Variants in AFF4 observed in about 807,000 individuals in gnomAD.
AFF4 encodes the protein AF4/FMR2 family member 4.
A neutral mutation model predicts 124.8 loss-of-function variants in AFF4; 13 were observed. The ratio of observed to expected loss-of-function variants is 0.10; its 90% CI spans 0.07 to 0.17. AFF4 has a LOEUF of 0.17. Among genes scored for constraint, AFF4 ranks in the 10% least tolerant of loss-of-function variants. AFF4 has a pLI of 1.00. For missense variants in AFF4, 1,092 were observed against 1,403.8 expected, an observed-to-expected ratio of 0.78 and a Z score of 3.55; for synonymous variants, 477 against 496.1, an observed-to-expected ratio of 0.96 and a Z score of 0.51.
At position 132,876,260 on chromosome 5, in the gene AFF4, G is replaced by A; in HGVS notation, c.*4799C>T. 4.6e-6 allele frequency: 1 copy of A among 215,944 alleles called. No individual in the cohort carries two copies. The highest frequency in any genetic ancestry group is 6.9e-5 in the East Asian group (1 of 14,590). The allele number at this position is 215,944 out of a possible 1,614,324, so 13.4% of individuals were successfully genotyped here. A position where few individuals can be genotyped will look rare whatever the true frequency, so the allele number is the denominator to read the frequency against. On this transcript the variant is annotated 3_prime_UTR_variant, in exon 21 of 21. Transcript: ENST00000265343. ...CATGTTAATGATTTGCCAGGTGTGT[G>A]CATAAAGTTGTAAAATGGGGACACT...
At position 132,887,514 on chromosome 5, in the gene AFF4, A is replaced by G; in HGVS notation, c.3005+7T>C. On this transcript the variant is annotated splice_region_variant and intron_variant, in intron 17 of 20. Transcript: ENST00000265343. The stretch of plus-strand genomic sequence containing the variant: ...ATCTAGCAGAGGCTAGAACACAGAA[A>G]ACTCACCAAAGTACTGTGAGTCGTT... 6.2e-7 allele frequency: 1 copy of G among 1,612,358 alleles called. No individual in the cohort carries two copies. The highest frequency in any genetic ancestry group is 8.5e-7 in the Non-Finnish European group (1 of 1,178,426).
At chr5:132,947,468 G>T (rs1424912656) in intron 1 of AFF4, among the ~76,000 whole-genome samples, 1 of 152,094 alleles carries the variant, frequency 6.6e-6, no homozygotes, top group African/African-American at 2.4e-5. Context: ...TCAAGTGGAG[G>T]TCAGAATTTG....
intron 2 of AFF4, 43 bp from the exon 3 acceptor site, chr5:132,934,984 A>C: frequency 7.1e-7 from 1 of 1,400,884 alleles, no homozygotes; most frequent in Non-Finnish European, 9.5e-7. Context: ...AATGAGCATA[A>C]TCAGAAATAA....
chr5:132,886,343 C>G lies in AFF4; in HGVS notation c.3066G>C (p.Leu1022=). 6.2e-7 allele frequency: 1 copy of G among 1,614,174 alleles called. No homozygotes were observed. Among genetic ancestry groups the G allele is most frequent in the Non-Finnish European group, 8.5e-7 (1 of 1,180,036 alleles). Reference sequence around the variant, plus strand: ...GCTCTGTCAGTGTCTTTGAGTACTTCAGAGCATTTTCCTTCTTCAGTTTGA... The same window carrying G: ...GCTCTGTCAGTGTCTTTGAGTACTTGAGAGCATTTTCCTTCTTCAGTTTGA... The part of the protein sequence containing the change: ...RLFKLKKENA[L]KYSKTLTEHL... Residue 1022 remains leucine (L), a synonymous_variant, in exon 18 of 21, where the codon CTG becomes CTC. Transcript: ENST00000265343.
chr5:132,902,298 T>A (rs1034227836), intron 7 of AFF4, 144 bp downstream of exon 7: 2 of 598,146 alleles, frequency 3.3e-6, no homozygotes, highest in Admixed American at 2.9e-5. Flanking sequence ...TCTGCCTGCC[T>A]TGGCCTCCCA....
chr5:132,931,291 T>G (rs553515592), intron 4 of AFF4, among the ~76,000 whole-genome samples: 55 of 151,996 alleles, frequency 3.6e-4, no homozygotes, highest in Middle Eastern at 3.4e-3. Context: ...TAGCTGGACA[T>G]GGTGGTGGGC....
At chr5:132,907,309 TCTC>T (rs1409726001) in intron 5 of AFF4, among the ~76,000 whole-genome samples, 1 of 152,132 alleles carries the variant, frequency 6.6e-6, no homozygotes, top group Non-Finnish European at 1.5e-5. Flanking sequence ...TCATCACTGC[TCTC>T]CTATTTTTCA....
intron 7 of AFF4, among the ~76,000 whole-genome samples, chr5:132,901,389 T>C (rs1166986310): frequency 6.6e-6 from 1 of 152,208 alleles, no homozygotes; most frequent in African/African-American, 2.4e-5. Context: ...CTTCTTGTGT[T>C]CATGTATTTT....
intron 7 of AFF4, among the ~76,000 whole-genome samples, chr5:132,901,326 ATAAG>A (rs893991460): frequency 5.3e-5 from 8 of 152,230 alleles, no homozygotes; most frequent in African/African-American, 4.8e-5. Flanking sequence ...TTACATATAA[ATAAG>A]TATGATGAAT....
At chr5:132,900,812 G>A in intron 7 of AFF4, 1 of 929,802 alleles carries the variant, frequency 1.1e-6, no homozygotes, top group Non-Finnish European at 1.3e-6. Flanking sequence ...TTAATACAAA[G>A]CTTAGGGAGA....
chr5:132,958,465 CAAAAAAAAAAAA>C (rs34337170), intron 1 of AFF4, among the ~76,000 whole-genome samples: 2 of 55,710 alleles, frequency 3.6e-5, no homozygotes, highest in African/African-American at 8.5e-5. Context: ...GACCCTGTCT[CAAAAAAAAAAAA>C]AAAAAAAAAA....
chr5:132,898,460 C>G (rs1225529254), intron 9 of AFF4, 68 bp from the exon 10 acceptor site: 77 of 1,487,402 alleles, frequency 5.2e-5, no homozygotes, highest in Admixed American at 2.0e-4. Context: ...ACATCCAAAT[C>G]GACAACCAAC....
intron 5 of AFF4, among the ~76,000 whole-genome samples, chr5:132,923,127 G>A (rs112223929): frequency 0.022 from 3,415 of 152,200 alleles, 123 homozygotes; most frequent in African/African-American, 0.078. Context: ...AGTGGGCCAA[G>A]ATTGCACCAC....
chr5:132,925,983 C>G (rs1347919245), intron 5 of AFF4, among the ~76,000 whole-genome samples: 1 of 152,152 alleles, frequency 6.6e-6, no homozygotes, highest in Non-Finnish European at 1.5e-5. Flanking sequence ...AACTTGCTAT[C>G]AGCTTAAATA....
chr5:132,928,211 A>G (rs1761221818), intron 4 of AFF4, among the ~76,000 whole-genome samples: 2 of 152,026 alleles, frequency 1.3e-5, no homozygotes, highest in African/African-American at 4.8e-5. Context: ...TAATGTTTAT[A>G]TATTTAAAAA....
In AFF4 at chr5:132,934,692, A is replaced by G. The variant is rs1761384707; in HGVS notation, c.373T>C (p.Ser125Pro). The G allele has an allele frequency of 5.0e-6, 8 of 1,614,106 alleles. No homozygotes were observed. Among genetic ancestry groups the G allele is most frequent in the Non-Finnish European group, 6.8e-6 (8 of 1,180,024 alleles). The change falls in exon 3 of 21, where the codon TCA (serine) becomes CCA (proline). Residue 125 changes from serine to proline, a missense_variant. Transcript: ENST00000265343. ...CTACTATGTCCACTCTGTAAGCCTGAGGACCGTTTCTGAGACTGAGAAGTG... is the reference window on the plus strand; with the variant it reads ...CTACTATGTCCACTCTGTAAGCCTGGGGACCGTTTCTGAGACTGAGAAGTG... The part of the protein sequence containing the change: ...PSTSQSQKRS[S>P]GLQSGHSSQR...
intron 1 of AFF4, among the ~76,000 whole-genome samples, chr5:132,961,287 C>A (rs1018866673): frequency 1.4e-4 from 22 of 152,080 alleles, no homozygotes; most frequent in Non-Finnish European, 2.9e-5. Context: ...GTAGCTGGGA[C>A]TACAGGCATG....
chr5:132,901,660 G>A (rs979702391), intron 7 of AFF4, among the ~76,000 whole-genome samples: 2 of 152,166 alleles, frequency 1.3e-5, no homozygotes, highest in African/African-American at 4.8e-5. Flanking sequence ...AAAACTTAAA[G>A]ACAGTACAAA....
intron 5 of AFF4, among the ~76,000 whole-genome samples, chr5:132,921,608 T>C (rs1761049591): frequency 6.6e-6 from 1 of 151,984 alleles, no homozygotes; most frequent in Admixed American, 6.6e-5. Context: ...CCTGGGATTA[T>C]AGGCATGCGC....
Sources: gnomAD v4.1 joint callset for allele counts (sites outside exome capture counted in the v4.1 genomes callset) on GRCh38, gnomAD v4.1.1 for gene constraint, MANE v1.5 for transcripts, NCBI Gene and HGNC (gene_info 2026-07-23, HGNC 2026-07-21) for gene names.